RIT2: variants seen among roughly 807,000 people sequenced by gnomAD.
RIT2 encodes the protein Ras like without CAAX 2.
Under a neutral mutation model 23.7 loss-of-function variants are expected in RIT2, and 24 were observed. The observed-to-expected ratio is 1.01, with a 90% CI of 0.73 to 1.43. RIT2 has a LOEUF of 1.43. Among genes scored for constraint, RIT2 ranks in the 40% most tolerant of loss-of-function variants. RIT2 has a pLI of 0.00. For missense variants in RIT2, 236 were observed against 266.9 expected (o/e 0.88, Z 0.81); for synonymous variants, 107 against 91.1 (o/e 1.17, Z -0.99).
intron 2 of RIT2, among the ~76,000 whole-genome samples, chr18:42,992,000 T>A (rs1474845457): frequency 6.6e-6 from 1 of 151,842 alleles, no homozygotes; most frequent in Admixed American, 6.6e-5. Flanking sequence ...CACCCCGACC[T>A]CTTATGTCTG....
intron 4 of RIT2, among the ~76,000 whole-genome samples, chr18:42,902,874 T>C (rs1908513430): frequency 6.6e-6 from 1 of 151,676 alleles, no homozygotes; most frequent in Admixed American, 6.6e-5. Flanking sequence ...TGGATTAACA[T>C]TGGCTTTAAG....
At chr18:42,901,057 A>C (rs917035960) in intron 4 of RIT2, among the ~76,000 whole-genome samples, 2 of 152,048 alleles carry the variant, frequency 1.3e-5, no homozygotes, top group Non-Finnish European at 2.9e-5. Context: ...GGTATGAGAC[A>C]AGGTAGTGGC....
intron 4 of RIT2, among the ~76,000 whole-genome samples, chr18:42,761,138 T>C (rs1355222543): frequency 6.6e-6 from 1 of 152,240 alleles, no homozygotes; most frequent in Non-Finnish European, 1.5e-5. Flanking sequence ...GTTTCCTTGT[T>C]GTTTTCCCAT....
rs142262242 is a variant in RIT2, at chr18:42,850,324, C to T, written c.426+73248G>A. Reference sequence around the variant, plus strand: ...TGAATCATTTTACCCTAGGGCATGGCTATCACTCAGTTTCACCATTACCCA... The same window carrying T: ...TGAATCATTTTACCCTAGGGCATGGTTATCACTCAGTTTCACCATTACCCA... On this transcript the variant is annotated intron_variant, in intron 4 of 4. Transcript: ENST00000326695. Among the ~76,000 whole-genome samples the T allele has an allele frequency of 2.0e-3, 300 of 152,290 alleles. 2 individuals are homozygous for T. The highest frequency in any genetic ancestry group is 7.0e-3 in the African/African-American group (291 of 41,558).
intron 4 of RIT2, among the ~76,000 whole-genome samples, chr18:42,772,181 TG>T (rs915266395): frequency 1.3e-5 from 2 of 152,168 alleles, no homozygotes; most frequent in Non-Finnish European, 2.9e-5. Context: ...CCAAGTCTTC[TG>T]ACACCACATC....
At chr18:42,894,298 T>C (rs895753932) in intron 4 of RIT2, among the ~76,000 whole-genome samples, 11 of 152,184 alleles carry the variant, frequency 7.2e-5, no homozygotes, top group African/African-American at 2.7e-4. Context: ...GAGACCAAAT[T>C]CTAGCAGAAA....
chr18:42,755,041 C>T (rs1405628325), intron 4 of RIT2, among the ~76,000 whole-genome samples: 1 of 150,780 alleles, frequency 6.6e-6, no homozygotes, highest in African/African-American at 2.4e-5. Flanking sequence ...TAAAATTCTC[C>T]TTCATAGAAT....
At chr18:42,894,078 A>T (rs551877971) in intron 4 of RIT2, among the ~76,000 whole-genome samples, 1 of 152,356 alleles carries the variant, frequency 6.6e-6, no homozygotes, top group East Asian at 1.9e-4. Flanking sequence ...GATGGCGCTC[A>T]GCAGAAAGAG....
intron 4 of RIT2, among the ~76,000 whole-genome samples, chr18:42,763,256 A>C (rs568813081): frequency 6.6e-6 from 1 of 152,246 alleles, no homozygotes; most frequent in East Asian, 1.9e-4. Flanking sequence ...AGGTCAAGAG[A>C]TCGAGACCAT....
chr18:42,894,276 A>C (rs145087191), intron 4 of RIT2, among the ~76,000 whole-genome samples: 7 of 152,358 alleles, frequency 4.6e-5, no homozygotes, highest in African/African-American at 1.2e-4. Context: ...GTCACAAACC[A>C]TGAGTTTCTT....
rs888516522 is a variant in RIT2 at position 42,744,573 on chromosome 18, CT to C, written c.427-854del. Among the ~76,000 whole-genome samples the C allele has an allele frequency of 8.6e-4, 129 of 149,520 alleles. 2 individuals are homozygous for C. In the South Asian group the frequency reaches 0.016, roughly 19 times the overall value. ...TTGCAAACTTGGTTAATTTTTTTGA[CT>C]TTTTTTTTTCCCCAATTTCCTCAAC... On this transcript the variant is annotated intron_variant, in intron 4 of 4. Transcript: ENST00000326695.
At chr18:42,844,264 C>T (rs1906847208) in intron 4 of RIT2, among the ~76,000 whole-genome samples, 1 of 152,178 alleles carries the variant, frequency 6.6e-6, no homozygotes, top group East Asian at 1.9e-4. Flanking sequence ...TGTATCAGCT[C>T]AGTTGGCCAC....
At chr18:42,759,178 A>G (rs955698915) in intron 4 of RIT2, among the ~76,000 whole-genome samples, 8 of 152,200 alleles carry the variant, frequency 5.3e-5, no homozygotes, top group African/African-American at 1.9e-4. Context: ...CTTAAGGGTC[A>G]TCTTTCAGGA....
At chr18:43,106,076 A>G (rs1251779736) in intron 1 of RIT2, among the ~76,000 whole-genome samples, 1 of 152,172 alleles carries the variant, frequency 6.6e-6, no homozygotes, top group Non-Finnish European at 1.5e-5. Context: ...CTCATCTATT[A>G]ATTAGAGATA....
intron 1 of RIT2, among the ~76,000 whole-genome samples, chr18:43,051,104 T>A (rs1912371208): frequency 6.6e-6 from 1 of 151,966 alleles, no homozygotes; most frequent in South Asian, 2.1e-4. Context: ...AGGCTGAGAC[T>A]CCAACCTGTA....
intron 1 of RIT2, among the ~76,000 whole-genome samples, chr18:43,112,410 G>A (rs960830255): frequency 5.3e-5 from 8 of 152,106 alleles, no homozygotes; most frequent in Admixed American, 1.3e-4. Flanking sequence ...AAATGTTTAC[G>A]TCCTTCATAG....
At chr18:42,756,188 C>T (rs1913159467) in intron 4 of RIT2, among the ~76,000 whole-genome samples, 1 of 152,034 alleles carries the variant, frequency 6.6e-6, no homozygotes, top group South Asian at 2.1e-4. Context: ...GTTAGGAACC[C>T]ATCAAATAAG....
chr18:42,884,249 C>T (rs924276835), intron 4 of RIT2, among the ~76,000 whole-genome samples: 1 of 152,190 alleles, frequency 6.6e-6, no homozygotes, highest in Non-Finnish European at 1.5e-5. Flanking sequence ...TTGTCCCCTA[C>T]TGGATTCTCA....
intron 4 of RIT2, among the ~76,000 whole-genome samples, chr18:42,744,290 G>A (rs1041418497): frequency 2.6e-5 from 4 of 152,112 alleles, no homozygotes; most frequent in Non-Finnish European, 4.4e-5. Flanking sequence ...TCTTCACATG[G>A]ACGCACATGA....
Sources: allele counts gnomAD v4.1 joint callset (sites outside exome capture counted in the v4.1 genomes callset), GRCh38; gene constraint gnomAD v4.1.1; transcripts MANE v1.5; gene names NCBI Gene and HGNC (gene_info 2026-07-23, HGNC 2026-07-21).